Variants in SPACA7 observed in about 807,000 individuals in gnomAD.
The protein encoded by SPACA7 is sperm acrosome-associated protein 7.
SPACA7 carries 19 observed loss-of-function variants against 26.3 expected under a neutral mutation model. The observed-to-expected ratio is 0.72, with a 90% confidence interval of 0.50 to 1.06. The LOEUF (loss-of-function observed/expected upper bound fraction) is 1.06. SPACA7 is among the 50% of genes least tolerant of loss of function. SPACA7 has a pLI of 0.00. For missense variants in SPACA7, 211 were observed against 229.9 expected, an observed-to-expected ratio of 0.92 and a Z score of 0.53; for synonymous variants, 84 against 84.5, an observed-to-expected ratio of 0.99 and a Z score of 0.04.
intron 1 of SPACA7, among the ~76,000 whole-genome samples, chr13:112,386,271 G>C (rs1884521212): frequency 6.6e-6 from 1 of 152,150 alleles, no homozygotes; most frequent in South Asian, 2.1e-4. Flanking sequence ...AAAGAGTCAA[G>C]TATTCCTCCT....
At chr13:112,409,462 C>T (rs1236532335) in intron 5 of SPACA7, among the ~76,000 whole-genome samples, 8 of 152,214 alleles carry the variant, frequency 5.3e-5, no homozygotes, top group African/African-American at 1.7e-4. Flanking sequence ...TTGCAATCTA[C>T]TCATCTGACA....
chr13:112,414,541 T>C (rs1048184356), intron 5 of SPACA7, among the ~76,000 whole-genome samples: 2 of 151,524 alleles, frequency 1.3e-5, no homozygotes, highest in Admixed American at 6.6e-5. Context: ...CTCCCAAGTA[T>C]CTGGGATTAC....
chr13:112,432,953 C>G (rs1877315620), intron 6 of SPACA7, among the ~76,000 whole-genome samples: 1 of 152,176 alleles, frequency 6.6e-6, no homozygotes, highest in Non-Finnish European at 1.5e-5. Flanking sequence ...CAGTCCAGCC[C>G]TTCTCCACTC....
intron 5 of SPACA7, among the ~76,000 whole-genome samples, chr13:112,417,391 A>G (rs530790184): frequency 5.9e-5 from 9 of 152,152 alleles, no homozygotes; most frequent in African/African-American, 1.7e-4. Context: ...ACCTTTTATT[A>G]CATTTCCATT....
chr13:112,428,586 TAAAACA>T (rs1044988996), intron 5 of SPACA7, among the ~76,000 whole-genome samples: 1 of 151,914 alleles, frequency 6.6e-6, no homozygotes, highest in African/African-American at 2.4e-5. Flanking sequence ...TCTCAAAAAA[TAAAACA>T]AAAACAAAAA....
chr13:112,381,982 C>T (rs1884101525), intron 1 of SPACA7, among the ~76,000 whole-genome samples: 1 of 152,130 alleles, frequency 6.6e-6, no homozygotes, highest in Non-Finnish European at 1.5e-5. Flanking sequence ...AATCTTGGGG[C>T]TAATGTTAGC....
intron 1 of SPACA7, among the ~76,000 whole-genome samples, chr13:112,376,684 AT>A (rs1208051214): frequency 2.6e-5 from 4 of 152,194 alleles, no homozygotes; most frequent in African/African-American, 9.6e-5. Flanking sequence ...AATGTTACTT[AT>A]TTTAACTTTT....
intron 5 of SPACA7, among the ~76,000 whole-genome samples, chr13:112,413,408 C>T (rs1886480862): frequency 6.8e-6 from 1 of 147,666 alleles, no homozygotes; most frequent in Non-Finnish European, 1.5e-5. Flanking sequence ...TGTCATCCAA[C>T]TCCCTCCTGG....
chr13:112,378,234 C>G (rs1427279018), intron 1 of SPACA7, among the ~76,000 whole-genome samples: 1 of 152,058 alleles, frequency 6.6e-6, no homozygotes, highest in Non-Finnish European at 1.5e-5. Flanking sequence ...GGATCCAGTC[C>G]AGTTTACAGG....
intron 1 of SPACA7, among the ~76,000 whole-genome samples, chr13:112,377,195 T>C (rs1048595544): frequency 1.3e-5 from 2 of 152,190 alleles, no homozygotes; most frequent in African/African-American, 4.8e-5. Context: ...AGAGGGCTTT[T>C]ATAAACAAAA....
chr13:112,383,170 AAAG>A (rs1566453506), intron 1 of SPACA7, among the ~76,000 whole-genome samples: 2 of 127,988 alleles, frequency 1.6e-5, no homozygotes, highest in Non-Finnish European at 3.3e-5. Context: ...AGAAAGAAAG[AAAG>A]AAAGAAAGAA....
chr13:112,389,029 A>C (rs1474876492), intron 1 of SPACA7, among the ~76,000 whole-genome samples: 1 of 152,222 alleles, frequency 6.6e-6, no homozygotes, highest in African/African-American at 2.4e-5. Context: ...AGGGAGGGTC[A>C]GAATCTGGTA....
At chr13:112,430,164 ATC>A (rs143626008) in intron 5 of SPACA7, among the ~76,000 whole-genome samples, 1,518 of 138,102 alleles carry the variant, frequency 0.011, 8 homozygotes, top group African/African-American at 0.022. Flanking sequence ...CATCCCTTGC[ATC>A]TCTCTCTCTG....
intron 5 of SPACA7, among the ~76,000 whole-genome samples, chr13:112,429,865 A>T (rs1182630538): frequency 6.6e-6 from 1 of 152,190 alleles, no homozygotes; most frequent in African/African-American, 2.4e-5. Context: ...GTTACTTTAA[A>T]GCAGTTTGGT....
chr13:112,391,788 C>T (rs1278012), intron 1 of SPACA7, among the ~76,000 whole-genome samples: 80,956 of 152,074 alleles, frequency 0.53, 21,706 homozygotes, highest in South Asian at 0.66. Context: ...AAAGCACTTG[C>T]ACGATGCAGC....
intron 5 of SPACA7, among the ~76,000 whole-genome samples, chr13:112,410,218 G>A (rs988861433): frequency 5.9e-5 from 9 of 152,156 alleles, no homozygotes; most frequent in Admixed American, 5.9e-4. Context: ...GCCTGTGATG[G>A]GGTGCGGGGA....
At chr13:112,390,444 A>AATGGCAGTGTTAGC (rs140428032) in intron 1 of SPACA7, among the ~76,000 whole-genome samples, 5,857 of 151,078 alleles carry the variant, frequency 0.039, 367 homozygotes, top group African/African-American at 0.13. Context: ...GTGTTCAAAA[A>AATGGCAGTGTTAGC]ATGGCAGTGT....
intron 1 of SPACA7, among the ~76,000 whole-genome samples, chr13:112,383,808 A>C (rs190021552): frequency 6.6e-6 from 1 of 152,378 alleles, no homozygotes; most frequent in East Asian, 1.9e-4. Flanking sequence ...ATGCCAGTCC[A>C]GTTAAAGCCT....
intron 1 of SPACA7, among the ~76,000 whole-genome samples, chr13:112,380,039 T>A (rs1883943168): frequency 1.3e-5 from 2 of 152,112 alleles, no homozygotes; most frequent in Admixed American, 6.5e-5. Context: ...ACACAGGAAA[T>A]ATTTGATAAG....
Sources: allele counts gnomAD v4.1 joint callset (sites outside exome capture counted in the v4.1 genomes callset), GRCh38; gene constraint gnomAD v4.1.1; transcripts MANE v1.5; gene names NCBI Gene and HGNC (gene_info 2026-07-23, HGNC 2026-07-21).